Variants in NTNG1 observed in about 807,000 individuals in gnomAD.
NTNG1 encodes netrin G1, also known as netrin-G1.
In NTNG1, 16 loss-of-function variants were observed where a neutral mutation model predicts 54.0. That is an observed-to-expected ratio of 0.30 (90% CI 0.20 to 0.45). NTNG1 has a LOEUF of 0.45. Ranked by LOEUF, NTNG1 falls within the 20% of genes least tolerant of loss-of-function variation. NTNG1 has a pLI of 1.00. For missense variants in NTNG1, 530 were observed against 678.7 expected (o/e 0.78, Z 2.43); for synonymous variants, 255 against 263.1 (o/e 0.97, Z 0.30).
chr1:107,175,217 G>A (rs1488059990), intron 2 of NTNG1, among the ~76,000 whole-genome samples: 1 of 152,132 alleles, frequency 6.6e-6, no homozygotes, highest in Admixed American at 6.6e-5. Flanking sequence ...CAATCAGAAT[G>A]TGAGGGTTCT....
intron 2 of NTNG1, among the ~76,000 whole-genome samples, chr1:107,191,119 C>T (rs78158546): frequency 3.6e-4 from 53 of 145,824 alleles, no homozygotes; most frequent in Admixed American, 4.8e-4. Flanking sequence ...GATCGCCATT[C>T]TAACCGGTGT....
At chr1:107,147,302 A>G (rs1421369965) in intron 1 of NTNG1, among the ~76,000 whole-genome samples, 4 of 152,146 alleles carry the variant, frequency 2.6e-5, no homozygotes, top group African/African-American at 9.7e-5. Flanking sequence ...GTTTTACTAC[A>G]GAGCTTTTAG....
intron 5 of NTNG1, among the ~76,000 whole-genome samples, chr1:107,413,354 G>A (rs1050075947): frequency 1.3e-5 from 2 of 151,880 alleles, no homozygotes; most frequent in East Asian, 3.9e-4. Context: ...TTTTAGTAGA[G>A]ACGGGGTCTC....
At chr1:107,199,977 C>T (rs1302468166) in intron 2 of NTNG1, among the ~76,000 whole-genome samples, 2 of 151,860 alleles carry the variant, frequency 1.3e-5, no homozygotes, top group East Asian at 3.9e-4. Context: ...TAGAATCTTT[C>T]AGCACCAGTT....
At chr1:107,385,304 C>T (rs988191605) in intron 3 of NTNG1, among the ~76,000 whole-genome samples, 1 of 152,086 alleles carries the variant, frequency 6.6e-6, no homozygotes, top group Non-Finnish European at 1.5e-5. Flanking sequence ...CTCACCGCCA[C>T]GCCACTACTC....
intron 3 of NTNG1, among the ~76,000 whole-genome samples, chr1:107,333,661 G>C (rs202070843): frequency 4.7e-4 from 71 of 151,078 alleles, no homozygotes; most frequent in East Asian, 2.1e-3. Flanking sequence ...GTGTGTGTTT[G>C]TGTGTGTGTG....
intron 2 of NTNG1, among the ~76,000 whole-genome samples, chr1:107,214,972 G>C (rs904516162): frequency 1.3e-5 from 2 of 151,710 alleles, no homozygotes; most frequent in Non-Finnish European, 2.9e-5. Context: ...ACTTTTTGAT[G>C]GGATTGTTTG....
chr1:107,326,760 A>G (rs1039789232), intron 3 of NTNG1, among the ~76,000 whole-genome samples: 1 of 151,986 alleles, frequency 6.6e-6, no homozygotes, highest in Non-Finnish European at 1.5e-5. Context: ...ACTTGTAAAT[A>G]AGGCAATCTT....
At chr1:107,183,583 T>G (rs147505705) in intron 2 of NTNG1, among the ~76,000 whole-genome samples, 1 of 152,116 alleles carries the variant, frequency 6.6e-6, no homozygotes, top group African/African-American at 2.4e-5. Context: ...GTATTAGTTT[T>G]GGATGATTAT....
intron 5 of NTNG1, among the ~76,000 whole-genome samples, chr1:107,416,478 A>T (rs933625463): frequency 1.3e-5 from 2 of 152,086 alleles, no homozygotes; most frequent in Non-Finnish European, 2.9e-5. Context: ...AGTCTCAGCA[A>T]TTTGAAAGCA....
intron 2 of NTNG1, chr1:107,260,782 G>T (rs891071164): frequency 6.6e-6 from 1 of 152,164 alleles, no homozygotes; most frequent in Non-Finnish European, 1.5e-5. Flanking sequence ...AATCAGTCAG[G>T]TGAGTACTCC....
chr1:107,193,772 A>G (rs1658126727), intron 2 of NTNG1, among the ~76,000 whole-genome samples: 2 of 151,946 alleles, frequency 1.3e-5, no homozygotes, highest in Admixed American at 1.3e-4. Flanking sequence ...CACCTTACTC[A>G]GGTCCATTCT....
At chr1:107,246,668 A>C (rs1041554856) in intron 2 of NTNG1, among the ~76,000 whole-genome samples, 8 of 152,086 alleles carry the variant, frequency 5.3e-5, no homozygotes, top group African/African-American at 1.9e-4. Flanking sequence ...TGCGGTAGCT[A>C]CTAATGCTGA....
At chr1:107,385,251 C>T (rs969778418) in intron 3 of NTNG1, among the ~76,000 whole-genome samples, 2 of 152,100 alleles carry the variant, frequency 1.3e-5, no homozygotes, top group African/African-American at 4.8e-5. Flanking sequence ...ACACACGTTC[C>T]CTAATTACAG....
chr1:107,427,656 A>G (rs1433410922), intron 5 of NTNG1, among the ~76,000 whole-genome samples: 1 of 152,116 alleles, frequency 6.6e-6, no homozygotes, highest in Non-Finnish European at 1.5e-5. Context: ...AGCTTTATCA[A>G]AGTCTCAGAA....
At chr1:107,268,702 T>G (rs1415922634) in intron 2 of NTNG1, among the ~76,000 whole-genome samples, 1 of 152,150 alleles carries the variant, frequency 6.6e-6, no homozygotes, top group Non-Finnish European at 1.5e-5. Context: ...AAGTTCCTAT[T>G]GAGCATTTCA....
intron 2 of NTNG1, among the ~76,000 whole-genome samples, chr1:107,285,657 G>A (rs1456349216): frequency 6.6e-6 from 1 of 152,104 alleles, no homozygotes; most frequent in African/African-American, 2.4e-5. Context: ...ATTAAAAATG[G>A]CAGGAGACAC....
intron 2 of NTNG1, among the ~76,000 whole-genome samples, chr1:107,267,977 C>A (rs575128479): frequency 1.8e-4 from 27 of 152,332 alleles, no homozygotes; most frequent in Non-Finnish European, 3.5e-4. Flanking sequence ...AAATTGTCCC[C>A]ATTCCAAGAC....
chr1:107,377,407 T>C (rs1671356172), intron 3 of NTNG1, among the ~76,000 whole-genome samples: 1 of 152,212 alleles, frequency 6.6e-6, no homozygotes, highest in South Asian at 2.1e-4. Flanking sequence ...GATAATTGTC[T>C]GAGAAGATTC....
Sources: gnomAD v4.1 joint callset for allele counts (sites outside exome capture counted in the v4.1 genomes callset) on GRCh38, gnomAD v4.1.1 for gene constraint, MANE v1.5 for transcripts, NCBI Gene and HGNC (gene_info 2026-07-23, HGNC 2026-07-21) for gene names.